The following STAC variants were observed in gnomAD, a reference collection of about 807,000 sequenced individuals.
STAC encodes SH3 and cysteine-rich domain-containing protein.
STAC carries 43 observed loss-of-function variants against 48.8 expected under a neutral mutation model. The observed-to-expected ratio is 0.88, with a 90% CI of 0.69 to 1.14. The LOEUF (loss-of-function observed/expected upper bound fraction) is 1.14. Ranked by LOEUF, STAC falls within the 50% of genes most tolerant of loss-of-function variation. STAC has a pLI of 0.00. For synonymous variants in STAC, 193 were observed against 179.5 expected, an observed-to-expected ratio of 1.07 and a Z score of -0.60; for missense variants, 497 against 504.0, an observed-to-expected ratio of 0.99 and a Z score of 0.13.
intron 3 of STAC, among the ~76,000 whole-genome samples, chr3:36,484,757 T>C (rs1697755074): frequency 6.6e-6 from 1 of 152,152 alleles, no homozygotes; most frequent in East Asian, 1.9e-4. Context: ...GCCAGGACCT[T>C]GTTTTCTGGA....
chr3:36,528,087 C>T (rs771200543), intron 8 of STAC, among the ~76,000 whole-genome samples: 4 of 152,006 alleles, frequency 2.6e-5, no homozygotes, highest in Admixed American at 6.6e-5. Context: ...ACACAGGGGA[C>T]GGGAGGTAGA....
At chr3:36,421,895 C>A (rs1700459501) in intron 1 of STAC, among the ~76,000 whole-genome samples, 1 of 152,026 alleles carries the variant, frequency 6.6e-6, no homozygotes, top group South Asian at 2.1e-4. Flanking sequence ...CTTTTCTAAT[C>A]TAGTTTGGTC....
chr3:36,500,540 C>T (rs1698258097), intron 6 of STAC, among the ~76,000 whole-genome samples: 1 of 151,930 alleles, frequency 6.6e-6, no homozygotes, highest in Non-Finnish European at 1.5e-5. Flanking sequence ...CAGCAAACCA[C>T]CATGGCACAT....
intron 5 of STAC, among the ~76,000 whole-genome samples, chr3:36,489,754 C>A (rs1412276404): frequency 6.6e-6 from 1 of 152,164 alleles, no homozygotes; most frequent in Non-Finnish European, 1.5e-5. Context: ...GTTCTGCCAG[C>A]CCTTTGTAGA....
At chr3:36,515,603 G>C (rs1216363603) in intron 8 of STAC, among the ~76,000 whole-genome samples, 1 of 152,182 alleles carries the variant, frequency 6.6e-6, no homozygotes, top group Non-Finnish European at 1.5e-5. Context: ...AAAGCGGGTA[G>C]AGGAACAGTC....
chr3:36,511,552 A>G (rs1292164601), intron 8 of STAC, among the ~76,000 whole-genome samples: 1 of 151,990 alleles, frequency 6.6e-6, no homozygotes, highest in African/African-American at 2.4e-5. Flanking sequence ...TTCCTCTTCT[A>G]AAAAAAATGC....
intron 1 of STAC, among the ~76,000 whole-genome samples, chr3:36,382,450 T>C (rs1559472074): frequency 6.6e-6 from 1 of 152,218 alleles, no homozygotes; most frequent in Non-Finnish European, 1.5e-5. Context: ...CCCATAATTA[T>C]CCACCAATTT....
At chr3:36,495,846 G>T (rs1698139807) in intron 6 of STAC, among the ~76,000 whole-genome samples, 1 of 152,212 alleles carries the variant, frequency 6.6e-6, no homozygotes, top group African/African-American at 2.4e-5. Flanking sequence ...CAACTCACGT[G>T]AGCATCACTT....
chr3:36,400,321 T>C (rs762067872), intron 1 of STAC, among the ~76,000 whole-genome samples: 14 of 152,210 alleles, frequency 9.2e-5, no homozygotes, highest in African/African-American at 3.1e-4. Context: ...GTCCACGTGT[T>C]ATATAACTAT....
In STAC at chr3:36,443,561, A is replaced by G. The variant is rs773109101; in HGVS notation, c.309A>G (p.Pro103=). 10 of 1,614,182 alleles carry G rather than the reference A, an allele frequency of 6.2e-6. No individual in the cohort carries two copies. Among genetic ancestry groups the G allele is most frequent in the Admixed American group, 1.7e-5 (1 of 60,024 alleles). The change falls in exon 2 of 11, where the codon CCA becomes CCG. Residue 103 remains proline, a synonymous_variant. Transcript: ENST00000273183. This position sits in a 1 kb window ranked among gnomAD's most constrained non-coding sequence, Gnocchi z 4.2. ...CACCCGCCAGGGCTGGTCTGCATCC[A>G]GGTGGCAAGGCTCATGCCTTTCAGG... ...TSTPARAGLH[P]GGKAHAFQEY...
chr3:36,500,648 A>G (rs941533693), intron 6 of STAC, among the ~76,000 whole-genome samples: 2 of 152,210 alleles, frequency 1.3e-5, no homozygotes, highest in African/African-American at 2.4e-5. Flanking sequence ...CTGATCACCC[A>G]CTAGGTCATA....
chr3:36,524,595 A>AAAAT (rs904637182), intron 8 of STAC, among the ~76,000 whole-genome samples: 2 of 152,108 alleles, frequency 1.3e-5, no homozygotes, highest in Admixed American at 6.5e-5. Context: ...CCATCTCAAA[A>AAAAT]AAATAAATAA....
At chr3:36,446,035 T>C (rs1231435564) in intron 2 of STAC, among the ~76,000 whole-genome samples, 1 of 152,170 alleles carries the variant, frequency 6.6e-6, no homozygotes, top group African/African-American at 2.4e-5. Flanking sequence ...AGGACCCCAG[T>C]CTCATCCAGT....
intron 1 of STAC, among the ~76,000 whole-genome samples, chr3:36,392,953 T>C (rs1280286612): frequency 6.6e-6 from 1 of 152,168 alleles, no homozygotes; most frequent in African/African-American, 2.4e-5. Context: ...CTCTTCCAAA[T>C]ACCCTGACCT....
intron 2 of STAC, among the ~76,000 whole-genome samples, chr3:36,454,881 A>G (rs1242731581): frequency 2.0e-5 from 3 of 152,222 alleles, no homozygotes; most frequent in Non-Finnish European, 4.4e-5. Context: ...CTCTCAAATT[A>G]CAGCTCATGA....
intron 2 of STAC, among the ~76,000 whole-genome samples, chr3:36,481,847 C>T (rs1267250170): frequency 6.6e-6 from 1 of 152,148 alleles, no homozygotes; most frequent in Non-Finnish European, 1.5e-5. Context: ...GCCATATGTC[C>T]CACAGACTCA....
At chr3:36,508,895 T>C (rs1698469578) in intron 8 of STAC, among the ~76,000 whole-genome samples, 1 of 152,210 alleles carries the variant, frequency 6.6e-6, no homozygotes, top group Non-Finnish European at 1.5e-5. Context: ...AACTTTTAAT[T>C]GGGGCACTTA....
chr3:36,458,194 A>G (rs541919129), intron 2 of STAC, among the ~76,000 whole-genome samples: 2 of 152,266 alleles, frequency 1.3e-5, no homozygotes, highest in South Asian at 4.2e-4. Context: ...GAAAACTTGG[A>G]AACCATCTTG....
intron 6 of STAC, among the ~76,000 whole-genome samples, chr3:36,501,244 T>TA (rs1324638486): frequency 6.6e-6 from 1 of 151,982 alleles, no homozygotes; most frequent in African/African-American, 2.4e-5. Flanking sequence ...AAATGAGTGT[T>TA]AAAAAAATAA....
Sources: allele counts gnomAD v4.1 joint callset (sites outside exome capture counted in the v4.1 genomes callset), GRCh38; gene constraint gnomAD v4.1.1; non-coding constraint Gnocchi (gnomAD v3.1); transcripts MANE v1.5; gene names NCBI Gene and HGNC (gene_info 2026-07-23, HGNC 2026-07-21).